GIPC3: variants seen among roughly 807,000 people sequenced by gnomAD.
The protein encoded by GIPC3 is PDZ domain-containing protein GIPC3.
GIPC3 carries 16 observed loss-of-function variants against 27.3 expected under a neutral mutation model. The ratio of observed to expected loss-of-function variants is 0.59; its 90% CI spans 0.40 to 0.89. The LOEUF (loss-of-function observed/expected upper bound fraction) is 0.89. GIPC3 is among the 40% of genes least tolerant of loss of function. The pLI is 0.00. For synonymous variants in GIPC3, 194 were observed against 184.6 expected (o/e 1.05, Z -0.41); for missense variants, 440 against 442.1 (o/e 1.00, Z 0.04).
In GIPC3 at chr19:3,589,994, C is replaced by T. The variant is rs370162131; in HGVS notation, c.788-45C>T. 1,078 of 1,613,058 alleles carry T rather than the reference C, an allele frequency of 6.7e-4. 2 individuals are homozygous for T. Among genetic ancestry groups the T allele is most frequent in the African/African-American group, 1.2e-3 (89 of 75,026 alleles). On this transcript the variant is annotated intron_variant, in intron 5 of 5. Coordinates refer to ENST00000644452, the MANE Select transcript of GIPC3 (RefSeq NM_133261.3). ...GCAGGGGTCCCAGCGGGAAGTTGGG[C>T]GCGGGGAGTGCCCTCACTGACATCC...
intron 2 of GIPC3, 55 bp from the exon 3 acceptor site, chr19:3,586,759 C>T: frequency 1.2e-6 from 2 of 1,611,394 alleles, no homozygotes; most frequent in African/African-American, 1.3e-5. Flanking sequence ...GTGGGTTCTG[C>T]GGATTGGAGG....
At chr19:3,586,291 G>A (rs2032362700) in intron 1 of GIPC3, among the ~76,000 whole-genome samples, 1 of 152,102 alleles carries the variant, frequency 6.6e-6, no homozygotes, top group Admixed American at 6.5e-5. Context: ...AGGTCTGGGG[G>A]CTGGAGGTCC....
chr19:3,587,135 A>C, intron 3 of GIPC3, 141 bp downstream of exon 3: 1 of 721,936 alleles, frequency 1.4e-6, no homozygotes, highest in South Asian at 1.8e-5. Context: ...AGGGTATCAG[A>C]AACTCGTAGG....
Position 3,590,212 on chromosome 19 carries a change from A to C in GIPC3, c.*22A>C. The stretch of plus-strand genomic sequence containing the variant: ...CTAGTTTGCCCTGGGGGGGCCCAGC[A>C]CAGCCCCAGCCCGGAGCCCAGCCCC... On this transcript the variant is annotated 3_prime_UTR_variant, in exon 6 of 6. Transcript: ENST00000644452. 1 of 1,571,740 alleles carries C rather than the reference A, an allele frequency of 6.4e-7. No homozygotes were observed. Among genetic ancestry groups the C allele is most frequent in the Non-Finnish European group, 8.6e-7 (1 of 1,159,500 alleles).
chr19:3,593,393 G>GTC lies in GIPC3; in HGVS notation c.*3204_*3205insCT. ...AGTGACCTTATTTCTCCAGCAGGCG[G>GTC]TGGTAGGGAGTGTGCGGTGGTGAAA... is the stretch of plus-strand genomic sequence containing the variant. On this transcript the variant is annotated 3_prime_UTR_variant, in exon 6 of 6. Transcript: ENST00000644452. 3.9e-6 allele frequency: 4 copies of GTC among 1,028,002 alleles called. No individual in the cohort carries two copies. The highest frequency in any genetic ancestry group is 5.0e-6 in the Non-Finnish European group (4 of 802,176). 63.7% of individuals were successfully genotyped at this position (1,028,002 alleles called of 1,614,324 possible).
intron 1 of GIPC3, 50 bp from the exon 2 acceptor site, chr19:3,586,445 T>TG (rs767068577): frequency 1.9e-6 from 3 of 1,552,420 alleles, no homozygotes; most frequent in African/African-American, 1.4e-5. Context: ...GGTGGCTGCG[T>TG]GGGGGGATGC....
chr19:3,589,081 A>G (rs2032431919), intron 3 of GIPC3, among the ~76,000 whole-genome samples: 1 of 152,086 alleles, frequency 6.6e-6, no homozygotes, highest in Non-Finnish European at 1.5e-5. Flanking sequence ...CAGTCCTGAC[A>G]CTAAGCCGGG....
At position 3,590,499 on chromosome 19, in the gene GIPC3, C is replaced by A; in HGVS notation, c.*309C>A. 7.1e-7 allele frequency: 1 copy of A among 1,407,910 alleles called. No homozygotes were observed. The highest frequency in any genetic ancestry group is 1.7e-5 in the South Asian group (1 of 59,592). 87.2% of individuals were successfully genotyped at this position (1,407,910 alleles called of 1,614,324 possible). A position where few individuals can be genotyped will look rare whatever the true frequency, so the allele number is the denominator to read the frequency against. ...AACTCAGATGAGCTTTGAGACCATG[C>A]CCAGCACTGAGACCAAGCCCTGTTC... On this transcript the variant is annotated 3_prime_UTR_variant, in exon 6 of 6. Coordinates refer to ENST00000644452, the MANE Select transcript of GIPC3 (RefSeq NM_133261.3).
At chr19:3,587,833 G>A (rs1184469302) in intron 3 of GIPC3, among the ~76,000 whole-genome samples, 1 of 151,360 alleles carries the variant, frequency 6.6e-6, no homozygotes, top group African/African-American at 2.4e-5. Context: ...TGGGACTACA[G>A]GCGCCCGCCA....
At position 3,590,949 on chromosome 19, in the gene GIPC3, C is replaced by T; in HGVS notation, c.*759C>T. The T allele has an allele frequency of 4.9e-6, 6 of 1,232,692 alleles. No individual in the cohort carries two copies. The highest frequency in any genetic ancestry group is 5.1e-6 in the Non-Finnish European group (5 of 988,980). 76.4% of individuals were successfully genotyped at this position (1,232,692 alleles called of 1,614,324 possible). The stretch of plus-strand genomic sequence containing the variant: ...AACTCAGATGAGCTCTGAGACAGAG[C>T]CCAGTATTGAGACCAAGCCCTGTTC... On this transcript the variant is annotated 3_prime_UTR_variant, in exon 6 of 6. Transcript: ENST00000644452.
In GIPC3 at chr19:3,593,221, C is replaced by T; in HGVS notation, c.*3031C>T. On this transcript the variant is annotated 3_prime_UTR_variant, in exon 6 of 6. Coordinates refer to ENST00000644452, the MANE Select transcript of GIPC3 (RefSeq NM_133261.3). ...AGTTCCCAGCTGTCTGAGTCCCCAG[C>T]TTTGGCGCCAGCCCTTTGCCCCACT... 1 of 1,232,582 alleles carries T rather than the reference C, an allele frequency of 8.1e-7. No individual in the cohort carries two copies. Among genetic ancestry groups the T allele is most frequent in the Non-Finnish European group, 1.0e-6 (1 of 988,286 alleles). 76.4% of individuals were successfully genotyped at this position (1,232,582 alleles called of 1,614,324 possible).
Position 3,586,975 on chromosome 19 carries a change from G to A in GIPC3, c.573G>A (p.Val191=). 6.2e-7 allele frequency: 1 copy of A among 1,612,790 alleles called. No homozygotes were observed. The highest frequency in any genetic ancestry group is 8.5e-7 in the Non-Finnish European group (1 of 1,179,880). ...CCCAGCCCTTCACCCTGCGCCTGGT[G>A]CAGCCCAAGAGGGCCTTCGGTGAGG... is the stretch of plus-strand genomic sequence containing the variant. The part of the protein sequence containing the change: ...PKSQPFTLRL[V]QPKRAFDMIG... Residue 191 remains valine, a synonymous_variant, in exon 3 of 6, where the codon GTG becomes GTA. Transcript: ENST00000644452.
chr19:3,591,790 T>A lies in GIPC3; in HGVS notation c.*1600T>A. On this transcript the variant is annotated 3_prime_UTR_variant, in exon 6 of 6. Transcript: ENST00000644452. Reference sequence around the variant, plus strand: ...GCTACAACCAGGCCCAACTCCAGGATTCAGACCAGCTCTGGAACCCCATCC... The same window carrying A: ...GCTACAACCAGGCCCAACTCCAGGAATCAGACCAGCTCTGGAACCCCATCC... 8.1e-7 allele frequency: 1 copy of A among 1,233,186 alleles called. No individual in the cohort carries two copies. Among genetic ancestry groups the A allele is most frequent in the Non-Finnish European group, 1.0e-6 (1 of 989,244 alleles). The allele number at this position is 1,233,186 out of a possible 1,614,324, so 76.4% of individuals were successfully genotyped here.
intron 3 of GIPC3, among the ~76,000 whole-genome samples, chr19:3,588,261 C>T (rs756345651): frequency 2.0e-5 from 3 of 152,092 alleles, no homozygotes; most frequent in African/African-American, 4.8e-5. Flanking sequence ...CCTCGGCCTC[C>T]GAAAGTGCTG....
chr19:3,587,183 G>T (rs1399007735), intron 3 of GIPC3, among the ~76,000 whole-genome samples, 189 bp downstream of exon 3: 2 of 152,104 alleles, frequency 1.3e-5, no homozygotes, highest in East Asian at 1.9e-4. Context: ...GTCAGCCTGT[G>T]GGGGAGGGGT....
At chr19:3,587,300 G>GTTTGTTTTTC (rs2032390845) in intron 3 of GIPC3, among the ~76,000 whole-genome samples, 2 of 126,940 alleles carry the variant, frequency 1.6e-5, no homozygotes, top group Admixed American at 7.4e-5. Context: ...GTTTGTTTTT[G>GTTTGTTTTTC]AGACGGAGTC....
chr19:3,587,695 C>CTTTTTTCTTTTTTTTTTTTTTTTTT (rs548820972), intron 3 of GIPC3, among the ~76,000 whole-genome samples: 3 of 131,208 alleles, frequency 2.3e-5, no homozygotes, highest in Non-Finnish European at 4.8e-5. Context: ...CTTTTCTTTT[C>CTTTTTTCTTTTTTTTTTTTTTTTTT]TTTTTTTTTT....
At position 3,593,052 on chromosome 19, in the gene GIPC3, GCCT is replaced by G. The variant is rs1367692079; in HGVS notation, c.*2866_*2868del. The G allele has an allele frequency of 1.6e-6, 2 of 1,228,350 alleles. No homozygotes were observed. The highest frequency in any genetic ancestry group is 2.0e-6 in the Non-Finnish European group (2 of 987,344). The allele number at this position is 1,228,350 out of a possible 1,614,324, so 76.1% of individuals were successfully genotyped here. A position where few individuals can be genotyped will look rare whatever the true frequency, so the allele number is the denominator to read the frequency against. On this transcript the variant is annotated 3_prime_UTR_variant, in exon 6 of 6. Coordinates refer to ENST00000644452, the MANE Select transcript of GIPC3 (RefSeq NM_133261.3). ...TGGCCCCATCCCAGGCTTACCCCAAGCCTCCTACCTGGCCCCACAGTCACAGGT... is the reference window on the plus strand; with the variant it reads ...TGGCCCCATCCCAGGCTTACCCCAAGCCTACCTGGCCCCACAGTCACAGGT...
chr19:3,591,268 C>T lies in GIPC3; in HGVS notation c.*1078C>T, dbSNP rs747883471. ...TCTGAGACCAAGCCCTGCTCTGAAGCCCAGGCCAGCTCTGAGACGAAGCAC... is the reference window on the plus strand; with the variant it reads ...TCTGAGACCAAGCCCTGCTCTGAAGTCCAGGCCAGCTCTGAGACGAAGCAC... On this transcript the variant is annotated 3_prime_UTR_variant, in exon 6 of 6. Coordinates refer to ENST00000644452, the MANE Select transcript of GIPC3 (RefSeq NM_133261.3). The T allele has an allele frequency of 2.8e-5, 34 of 1,232,650 alleles. No individual in the cohort carries two copies. Among genetic ancestry groups the T allele is most frequent in the African/African-American group, 3.1e-5 (2 of 64,408 alleles). The allele number at this position is 1,232,650 out of a possible 1,614,324, so 76.4% of individuals were successfully genotyped here.
Sources: allele counts gnomAD v4.1 joint callset (sites outside exome capture counted in the v4.1 genomes callset), GRCh38; gene constraint gnomAD v4.1.1; transcripts MANE v1.5; gene names NCBI Gene and HGNC (gene_info 2026-07-23, HGNC 2026-07-21).